The following RBFOX3 variants were observed in gnomAD, a reference collection of about 807,000 sequenced individuals.
The protein encoded by RBFOX3 is RNA binding protein fox-1 homolog 3.
Under a neutral mutation model 48.7 loss-of-function variants are expected in RBFOX3, and 17 were observed. The observed-to-expected ratio is 0.35, with a 90% CI of 0.24 to 0.52. RBFOX3 has a LOEUF of 0.52. Among genes scored for constraint, RBFOX3 ranks in the 20% least tolerant of loss-of-function variants. RBFOX3 has a pLI of 0.94. For synonymous variants in RBFOX3, 212 were observed against 209.5 expected (o/e 1.01, Z -0.10); for missense variants, 382 against 497.5 (o/e 0.77, Z 2.21).
At chr17:79,498,356 A>G (rs1232563281) in intron 1 of RBFOX3, among the ~76,000 whole-genome samples, 1 of 152,078 alleles carries the variant, frequency 6.6e-6, no homozygotes, top group Admixed American at 6.5e-5. Flanking sequence ...TGGCTCAACA[A>G]AGCGCCACCT....
intron 1 of RBFOX3, among the ~76,000 whole-genome samples, chr17:79,584,158 T>C (rs1216164327): frequency 6.6e-6 from 1 of 152,190 alleles, no homozygotes; most frequent in Non-Finnish European, 1.5e-5. Context: ...ACATCACTAA[T>C]GACCAGGGAA....
At chr17:79,398,640 C>T (rs970177980) in intron 2 of RBFOX3, among the ~76,000 whole-genome samples, 3 of 152,192 alleles carry the variant, frequency 2.0e-5, no homozygotes, top group Non-Finnish European at 4.4e-5. Context: ...CGGCCTCCAC[C>T]GTGGGCGACG....
At chr17:79,315,706 A>C (rs2077446613) in intron 2 of RBFOX3, among the ~76,000 whole-genome samples, 1 of 152,260 alleles carries the variant, frequency 6.6e-6, no homozygotes, top group Non-Finnish European at 1.5e-5. Flanking sequence ...TTTCAAACCA[A>C]TTAAAATAAG....
chr17:79,531,275 G>A (rs1391067954), intron 1 of RBFOX3, among the ~76,000 whole-genome samples: 1 of 152,208 alleles, frequency 6.6e-6, no homozygotes, highest in Non-Finnish European at 1.5e-5. Flanking sequence ...CAGCACAGGT[G>A]CCCACCTGCC....
intron 2 of RBFOX3, among the ~76,000 whole-genome samples, chr17:79,318,138 G>A (rs921213027): frequency 1.3e-5 from 2 of 152,106 alleles, no homozygotes; most frequent in African/African-American, 2.4e-5. Context: ...GGTGTCAGCC[G>A]GAGCCCTTGC....
Position 79,138,739 on chromosome 17 carries a change from A to T in RBFOX3, c.-33-22991T>A, listed in dbSNP as rs552441269. 2.2e-4 allele frequency among the ~76,000 whole-genome samples: 14 copies of T among 62,924 alleles called. No homozygotes were observed. In the South Asian group the frequency reaches 9.5e-3, roughly 43 times the overall value. 41.3% of individuals were successfully genotyped at this position (62,924 alleles called of 152,430 possible). On this transcript the variant is annotated intron_variant, in intron 4 of 14. Coordinates refer to ENST00000693108, the MANE Select transcript of RBFOX3 (RefSeq NM_001350451.2). ...CCCTCACCCACACACGCATGCACAC[A>T]GCACGTGTTCACACCACCATCCACA... is the stretch of plus-strand genomic sequence containing the variant.
At chr17:79,175,141 G>A (rs1245197825) in intron 4 of RBFOX3, among the ~76,000 whole-genome samples, 1 of 152,240 alleles carries the variant, frequency 6.6e-6, no homozygotes, top group African/African-American at 2.4e-5. Context: ...CAGGGCAGCG[G>A]TGACTCATGG....
At chr17:79,470,021 GA>G (rs1460862978) in intron 2 of RBFOX3, among the ~76,000 whole-genome samples, 1 of 152,166 alleles carries the variant, frequency 6.6e-6, no homozygotes, top group East Asian at 1.9e-4. Context: ...GAGCCAGGGT[GA>G]GGGTCGTAGG....
chr17:79,652,767 G>T, the RBFOX3 span, among the ~76,000 whole-genome samples: 1 of 151,376 alleles, frequency 6.6e-6, no homozygotes. Flanking sequence ...AGAAGTTCCA[G>T]AGAGAACAGA....
At chr17:79,470,750 T>C (rs1410574915) in intron 2 of RBFOX3, among the ~76,000 whole-genome samples, 1 of 152,346 alleles carries the variant, frequency 6.6e-6, no homozygotes, top group East Asian at 1.9e-4. Flanking sequence ...GTGGATTCAA[T>C]GTAAGATGTG....
rs1446298791 is a variant in RBFOX3 at position 79,214,788 on chromosome 17, A to G, written c.-34+20978T>C. Among the ~76,000 whole-genome samples the G allele has an allele frequency of 6.6e-6, 1 of 152,144 alleles. No homozygotes were observed. The highest frequency in any genetic ancestry group is 2.4e-5 in the African/African-American group (1 of 41,434). ...AAATCCTCATTACAAGGCTTGTTAA[A>G]TGCACAGACAGGATATTAGCGTTTA... is the stretch of plus-strand genomic sequence containing the variant. On this transcript the variant is annotated intron_variant, in intron 4 of 14. Coordinates refer to ENST00000693108, the MANE Select transcript of RBFOX3 (RefSeq NM_001350451.2). The surrounding 1 kb of genome is among the most constrained non-coding windows in gnomAD (Gnocchi z 4.7).
chr17:79,512,978 C>T (rs2084660767), intron 1 of RBFOX3, among the ~76,000 whole-genome samples: 1 of 147,342 alleles, frequency 6.8e-6, no homozygotes, highest in Non-Finnish European at 1.5e-5. Flanking sequence ...CACCCAGATA[C>T]ATGTTACCAT....
intron 2 of RBFOX3, among the ~76,000 whole-genome samples, chr17:79,350,488 C>A (rs1354643718): frequency 1.3e-5 from 2 of 152,096 alleles, no homozygotes; most frequent in African/African-American, 4.8e-5. Flanking sequence ...ATAGGGTGAC[C>A]AATGAATCCT....
chr17:79,097,177 C>A, intron 11 of RBFOX3, 115 bp downstream of exon 11: 1 of 879,082 alleles, frequency 1.1e-6, no homozygotes, highest in South Asian at 1.9e-5. Flanking sequence ...CGATCCTCCC[C>A]CCCCCCAGGT....
chr17:79,282,021 G>C (rs1434152329), intron 3 of RBFOX3, among the ~76,000 whole-genome samples: 1 of 152,228 alleles, frequency 6.6e-6, no homozygotes, highest in East Asian at 1.9e-4. Flanking sequence ...CACTGAGGGG[G>C]CAGGGGATGG....
At chr17:79,239,080 T>G (rs1000437733) in intron 3 of RBFOX3, among the ~76,000 whole-genome samples, 1 of 152,164 alleles carries the variant, frequency 6.6e-6, no homozygotes, top group East Asian at 1.9e-4. Flanking sequence ...GCCCACAATT[T>G]GGGAGCAACC....
chr17:79,353,137 GAT>G (rs1446153785), intron 2 of RBFOX3, among the ~76,000 whole-genome samples: 3 of 152,218 alleles, frequency 2.0e-5, no homozygotes, highest in Non-Finnish European at 4.4e-5. Context: ...TGGCCTGGAC[GAT>G]CATGCCCTGA....
At chr17:79,403,231 G>T (rs1369322757) in intron 2 of RBFOX3, among the ~76,000 whole-genome samples, 1 of 152,174 alleles carries the variant, frequency 6.6e-6, no homozygotes, top group African/African-American at 2.4e-5. Flanking sequence ...CCTCCTGATG[G>T]CTGAGAGCCT....
intron 2 of RBFOX3, among the ~76,000 whole-genome samples, chr17:79,357,859 T>A (rs539961503): frequency 1.6e-3 from 246 of 151,772 alleles, no homozygotes; most frequent in African/African-American, 5.7e-3. Flanking sequence ...ATTAAGTTCA[T>A]TTTTTTAAAA....
Sources: allele counts gnomAD v4.1 joint callset (sites outside exome capture counted in the v4.1 genomes callset), GRCh38; gene constraint gnomAD v4.1.1; non-coding constraint Gnocchi (gnomAD v3.1); transcripts MANE v1.5; gene names NCBI Gene and HGNC (gene_info 2026-07-23, HGNC 2026-07-21).